Variants in ZFAND3 observed in about 807,000 individuals in gnomAD.
The protein encoded by ZFAND3 is AN1-type zinc finger protein 3.
In ZFAND3, 10 loss-of-function variants were observed where a neutral mutation model predicts 29.6. The ratio of observed to expected loss-of-function variants is 0.34; its 90% CI spans 0.21 to 0.57. The LOEUF is 0.57. Among genes scored for constraint, ZFAND3 ranks in the 20% least tolerant of loss-of-function variants. The probability of loss-of-function intolerance (pLI) is 0.86; values close to 1 mark genes in which losing one functional copy is unlikely to be tolerated. For synonymous variants in ZFAND3, 128 were observed against 112.6 expected (o/e 1.14, Z -0.87); for missense variants, 230 against 304.5 (o/e 0.76, Z 1.82).
At chr6:37,932,051 A>G (rs1316675556) in intron 2 of ZFAND3, among the ~76,000 whole-genome samples, 3 of 152,176 alleles carry the variant, frequency 2.0e-5, no homozygotes, top group Non-Finnish European at 4.4e-5. Context: ...TGGGTGGACC[A>G]CGAGGTCTGG....
chr6:37,849,821 C>A (rs748114150), intron 1 of ZFAND3, among the ~76,000 whole-genome samples: 7 of 152,104 alleles, frequency 4.6e-5, no homozygotes, highest in Non-Finnish European at 8.8e-5. Context: ...ATTTAAGAGC[C>A]CTTTTGGGAA....
chr6:37,973,450 A>G lies in ZFAND3; in HGVS notation c.112+43451A>G, dbSNP rs76428005. On this transcript the variant is annotated intron_variant, in intron 2 of 5. Transcript: ENST00000287218. Reference sequence around the variant, plus strand: ...TCTCTAAACTTGGTTACTGTGGAGTAGCACTGTCTGATGCAACTTTTTGTA... The same window carrying G: ...TCTCTAAACTTGGTTACTGTGGAGTGGCACTGTCTGATGCAACTTTTTGTA... Among the ~76,000 whole-genome samples, 467 of 152,360 alleles carry G rather than the reference A, an allele frequency of 3.1e-3. 2 individuals carry two copies. The highest frequency in any genetic ancestry group is 0.011 in the African/African-American group (442 of 41,588).
At position 38,152,473 on chromosome 6, in the gene ZFAND3, T is replaced by A; in HGVS notation, c.*84T>A. On this transcript the variant is annotated 3_prime_UTR_variant, in exon 6 of 6. Coordinates refer to ENST00000287218, the MANE Select transcript of ZFAND3 (RefSeq NM_021943.3). ...AGGACAAAGTCAGCCAGACACCTTGTACTGGGCACGCGTCAGACTGCAGCC... is the reference window on the plus strand; with the variant it reads ...AGGACAAAGTCAGCCAGACACCTTGAACTGGGCACGCGTCAGACTGCAGCC... 2 of 1,453,010 alleles carry A rather than the reference T, an allele frequency of 1.4e-6. No homozygotes were observed. The highest frequency in any genetic ancestry group is 1.8e-6 in the Non-Finnish European group (2 of 1,104,176). The allele number at this position is 1,453,010 out of a possible 1,614,324, so 90.0% of individuals were successfully genotyped here. A position where few individuals can be genotyped will look rare whatever the true frequency, so the allele number is the denominator to read the frequency against.
At chr6:37,857,916 C>T (rs991956877) in intron 1 of ZFAND3, among the ~76,000 whole-genome samples, 62 of 152,112 alleles carry the variant, frequency 4.1e-4, no homozygotes, top group Non-Finnish European at 4.9e-4. Context: ...ATGTTAACTT[C>T]AGGAATGGGC....
intron 2 of ZFAND3, among the ~76,000 whole-genome samples, chr6:37,975,154 GGT>G (rs374921282): frequency 3.0e-3 from 463 of 152,216 alleles, no homozygotes; most frequent in South Asian, 0.011. Context: ...CACTTAGTAT[GGT>G]TAGTCTTTTT....
chr6:37,929,912 T>C lies in ZFAND3; in HGVS notation c.72-47T>C, dbSNP rs368095482. On this transcript the variant is annotated intron_variant, in intron 1 of 5. Transcript: ENST00000287218. ...ATCTTATGTTTTGATTAGAGTGATA[T>C]GGAGTTTTTAGCTCTTCTTTCTTTC... The C allele has an allele frequency of 1.1e-4, 178 of 1,556,378 alleles. No homozygotes were observed. The East Asian group carries it at 1.5e-3, about 13-fold the overall frequency.
intron 5 of ZFAND3, among the ~76,000 whole-genome samples, chr6:38,128,367 A>G (rs573834742): frequency 1.1e-4 from 17 of 152,294 alleles, no homozygotes; most frequent in African/African-American, 4.1e-4. Flanking sequence ...ATTGGGGAAC[A>G]GATGTTGTTT....
rs1554153854 is a variant in ZFAND3 at position 37,896,558 on chromosome 6, C to CTTTCTTTCTTTCT, written c.72-33400_72-33388dup. On this transcript the variant is annotated intron_variant, in intron 1 of 5. Transcript: ENST00000287218. ...TCTTTCTTTCTTTCTTTCTTTCTTT[C>CTTTCTTTCTTTCT]TTTCTTTCTTTCTCTCTTTCTCTCT... is the stretch of plus-strand genomic sequence containing the variant. Among the ~76,000 whole-genome samples the CTTTCTTTCTTTCT allele has an allele frequency of 6.9e-4, 96 of 138,422 alleles. 1 individual carries two copies. The highest frequency in any genetic ancestry group is 1.2e-3 in the Non-Finnish European group (75 of 63,510). 90.8% of individuals were successfully genotyped at this position (138,422 alleles called of 152,430 possible). A position where few individuals can be genotyped will look rare whatever the true frequency, so the allele number is the denominator to read the frequency against.
chr6:38,120,849 T>A (rs889456375), intron 5 of ZFAND3, among the ~76,000 whole-genome samples: 2 of 152,230 alleles, frequency 1.3e-5, no homozygotes, highest in African/African-American at 4.8e-5. Flanking sequence ...TTTAGAAACC[T>A]GAAGTGATGT....
intron 1 of ZFAND3, among the ~76,000 whole-genome samples, chr6:37,887,325 A>G (rs1765013249): frequency 6.6e-6 from 1 of 152,238 alleles, no homozygotes; most frequent in Non-Finnish European, 1.5e-5. Flanking sequence ...AATTTGTATT[A>G]AATATGTAAT....
intron 1 of ZFAND3, among the ~76,000 whole-genome samples, chr6:37,874,481 T>C (rs543952024): frequency 3.9e-5 from 5 of 127,134 alleles, no homozygotes; most frequent in African/African-American, 1.5e-4. Flanking sequence ...GCCATTGCAC[T>C]CCAGCCTGGG....
intron 1 of ZFAND3, among the ~76,000 whole-genome samples, chr6:37,846,704 A>ATTTTTTTTTTTTTTTTTTT (rs59448343): frequency 7.1e-6 from 1 of 140,898 alleles, no homozygotes. Context: ...TATACTTGTG[A>ATTTTTTTTTTTTTTTTTTT]TTTTTTTTTT....
intron 2 of ZFAND3, among the ~76,000 whole-genome samples, chr6:38,031,525 G>A (rs552386919): frequency 6.6e-6 from 1 of 152,212 alleles, no homozygotes; most frequent in African/African-American, 2.4e-5. Context: ...CTCAGTTATG[G>A]CATCTTTCTT....
intron 4 of ZFAND3, among the ~76,000 whole-genome samples, chr6:38,112,962 AC>A (rs1251699310): frequency 1.3e-5 from 2 of 152,208 alleles, no homozygotes; most frequent in Non-Finnish European, 2.9e-5. Flanking sequence ...CGAAGAAATT[AC>A]ACATACACAG....
intron 2 of ZFAND3, among the ~76,000 whole-genome samples, chr6:37,943,091 T>TG (rs1561941915): frequency 6.6e-6 from 1 of 152,078 alleles, no homozygotes; most frequent in African/African-American, 2.4e-5. Flanking sequence ...AGTATCATGT[T>TG]GAAAAAAAAG....
intron 1 of ZFAND3, among the ~76,000 whole-genome samples, chr6:37,913,708 CTTTTTTTTTTT>C (rs56045448): frequency 8.8e-6 from 1 of 113,046 alleles, no homozygotes; most frequent in East Asian, 2.3e-4. Flanking sequence ...CAGCTATATT[CTTTTTTTTTTT>C]TTTTTTTTGA....
intron 5 of ZFAND3, among the ~76,000 whole-genome samples, chr6:38,124,969 G>C (rs897972657): frequency 2.6e-5 from 4 of 152,178 alleles, no homozygotes; most frequent in Non-Finnish European, 5.9e-5. Flanking sequence ...AGCTTCTCCA[G>C]TACTCCTAAG....
chr6:38,103,757 G>T (rs1401997760), intron 4 of ZFAND3, among the ~76,000 whole-genome samples: 1 of 152,096 alleles, frequency 6.6e-6, no homozygotes, highest in Non-Finnish European at 1.5e-5. Flanking sequence ...TAGGGGACTT[G>T]GGCATGTGGA....
intron 2 of ZFAND3, among the ~76,000 whole-genome samples, chr6:38,049,713 T>C (rs1386177541): frequency 6.6e-6 from 1 of 152,176 alleles, no homozygotes; most frequent in Non-Finnish European, 1.5e-5. Context: ...GGGAAGATCA[T>C]TGTCATCTTC....
Sources: allele counts gnomAD v4.1 joint callset (sites outside exome capture counted in the v4.1 genomes callset), GRCh38; gene constraint gnomAD v4.1.1; transcripts MANE v1.5; gene names NCBI Gene and HGNC (gene_info 2026-07-23, HGNC 2026-07-21).